VWA8: variants seen among roughly 807,000 people sequenced by gnomAD.
The protein encoded by VWA8 is von Willebrand factor A domain-containing protein 8.
A neutral mutation model predicts 241.5 loss-of-function variants in VWA8; 221 were observed. That is an observed-to-expected ratio of 0.91 (90% CI 0.82 to 1.02). The LOEUF (loss-of-function observed/expected upper bound fraction) is 1.02. Ranked by LOEUF, VWA8 falls within the 50% of genes least tolerant of loss-of-function variation. The pLI is 0.00. For synonymous variants in VWA8, 852 were observed against 827.1 expected (o/e 1.03, Z -0.52); for missense variants, 2,322 against 2,328.7 (o/e 1.00, Z 0.06).
At chr13:41,837,427 G>T (rs1345951776) in intron 12 of VWA8, among the ~76,000 whole-genome samples, 2 of 152,060 alleles carry the variant, frequency 1.3e-5, no homozygotes, top group Non-Finnish European at 2.9e-5. Context: ...GGACACCAAA[G>T]CAAAACTAAA....
intron 2 of VWA8, among the ~76,000 whole-genome samples, chr13:41,945,342 T>A (rs1877801823): frequency 6.7e-6 from 1 of 148,546 alleles, no homozygotes; most frequent in African/African-American, 2.5e-5. Flanking sequence ...ATTATACTAT[T>A]TAAAATGTCT....
intron 2 of VWA8, among the ~76,000 whole-genome samples, chr13:41,932,845 C>T (rs1877186146): frequency 6.6e-6 from 1 of 151,856 alleles, no homozygotes; most frequent in African/African-American, 2.4e-5. Flanking sequence ...CATCCTAAAC[C>T]TTTACCTAAC....
Position 41,568,082 on chromosome 13 carries a change from G to T in VWA8, c.*115C>A. ...AGTGTAGGAAGACCCAGGAATGCCGGAATCATCCAGTCACTGCATGGGTTC... is the reference window on the plus strand; with the variant it reads ...AGTGTAGGAAGACCCAGGAATGCCGTAATCATCCAGTCACTGCATGGGTTC... On this transcript the variant is annotated 3_prime_UTR_variant, in exon 45 of 45. Coordinates refer to ENST00000379310, the MANE Select transcript of VWA8 (RefSeq NM_015058.2). The T allele has an allele frequency of 1.2e-6, 1 of 847,496 alleles. No homozygotes were observed. Among genetic ancestry groups the T allele is most frequent in the African/African-American group, 1.7e-5 (1 of 59,134 alleles). 52.5% of individuals were successfully genotyped at this position (847,496 alleles called of 1,614,324 possible). A position where few individuals can be genotyped will look rare whatever the true frequency, so the allele number is the denominator to read the frequency against.
chr13:41,926,611 T>G, intron 2 of VWA8: 1 of 546,668 alleles, frequency 1.8e-6, no homozygotes, highest in Non-Finnish European at 3.7e-6. Context: ...ATATGGCCTA[T>G]GCAGACTACC....
intron 26 of VWA8, among the ~76,000 whole-genome samples, chr13:41,704,748 T>C (rs2045272186): frequency 6.6e-6 from 1 of 152,192 alleles, no homozygotes; most frequent in Non-Finnish European, 1.5e-5. Context: ...GGATTACAAG[T>C]GTAAGCCAAG....
intron 37 of VWA8, among the ~76,000 whole-genome samples, chr13:41,629,987 T>A (rs76363074): frequency 0.03 from 4,585 of 152,340 alleles, 102 homozygotes; most frequent in Non-Finnish European, 0.044. Flanking sequence ...GTAGCTGATA[T>A]TCATTCATAC....
chr13:41,784,729 T>TATATATATATATACAC (rs772522331), intron 18 of VWA8, among the ~76,000 whole-genome samples: 4 of 60,080 alleles, frequency 6.7e-5, no homozygotes, highest in East Asian at 3.7e-4. Context: ...TATATATATA[T>TATATATATATATACAC]ACACACACAT....
intron 9 of VWA8, among the ~76,000 whole-genome samples, chr13:41,870,376 T>C (rs1873534355): frequency 6.6e-6 from 1 of 152,148 alleles, no homozygotes. Context: ...CAAAGGCTAA[T>C]GCCTATAATC....
chr13:41,828,293 C>T lies in VWA8; in HGVS notation c.1700+2236G>A, dbSNP rs116207374. On this transcript the variant is annotated intron_variant, in intron 14 of 44. Transcript: ENST00000379310. ...AATAAATACACTTAATTATCTTTTA[C>T]GGGATTTAAATGTTTTAAATAGGGC... 4.7e-3 allele frequency among the ~76,000 whole-genome samples: 719 copies of T among 152,142 alleles called. 5 individuals carry two copies. The highest frequency in any genetic ancestry group is 0.016 in the African/African-American group (664 of 41,504).
At chr13:41,835,160 G>A (rs1335508238) in intron 12 of VWA8, among the ~76,000 whole-genome samples, 1 of 152,126 alleles carries the variant, frequency 6.6e-6, no homozygotes, top group Non-Finnish European at 1.5e-5. Context: ...GTGATGGGAT[G>A]ATCTATGCAG....
chr13:41,589,852 C>T (rs9566801), intron 41 of VWA8, among the ~76,000 whole-genome samples: 6,157 of 152,060 alleles, frequency 0.04, 234 homozygotes, highest in African/African-American at 0.088. Context: ...CCATTTACTA[C>T]CCCCGTAAAA....
chr13:41,702,018 TA>T (rs1566420819), intron 27 of VWA8, among the ~76,000 whole-genome samples: 1 of 152,210 alleles, frequency 6.6e-6, no homozygotes, highest in Non-Finnish European at 1.5e-5. Context: ...TGAAATTTTT[TA>T]AAAAACCAAA....
chr13:41,855,921 T>C (rs1446974491), intron 12 of VWA8, among the ~76,000 whole-genome samples: 1 of 152,180 alleles, frequency 6.6e-6, no homozygotes, highest in African/African-American at 2.4e-5. Flanking sequence ...GTTGAGAAGT[T>C]TTAACAAAGA....
chr13:41,576,971 T>TAAAC (rs2044354636), intron 42 of VWA8, among the ~76,000 whole-genome samples: 1 of 152,214 alleles, frequency 6.6e-6, no homozygotes, highest in Non-Finnish European at 1.5e-5. Flanking sequence ...CGCTCCATCA[T>TAAAC]AAACAACAGT....
At chr13:41,949,725 A>C (rs1878036527) in intron 2 of VWA8, among the ~76,000 whole-genome samples, 1 of 152,168 alleles carries the variant, frequency 6.6e-6, no homozygotes, top group Non-Finnish European at 1.5e-5. Flanking sequence ...TGAAATATTG[A>C]TGGGTGAAGT....
At chr13:41,884,804 G>A (rs1429641995) in intron 8 of VWA8, among the ~76,000 whole-genome samples, 1 of 152,070 alleles carries the variant, frequency 6.6e-6, no homozygotes, top group Non-Finnish European at 1.5e-5. Flanking sequence ...TATAAGATTT[G>A]ATAAACAGGA....
intron 42 of VWA8, 119 bp from the exon 43 acceptor site, chr13:41,575,957 A>G (rs1391183375): frequency 7.7e-6 from 5 of 647,642 alleles, no homozygotes; most frequent in Non-Finnish European, 1.3e-5. Context: ...TATGGCCATA[A>G]AGAAATGCAG....
chr13:41,860,383 G>C (rs1176829134), intron 12 of VWA8, among the ~76,000 whole-genome samples: 1 of 152,146 alleles, frequency 6.6e-6, no homozygotes, highest in African/African-American at 2.4e-5. Flanking sequence ...GTTTTTACGG[G>C]AAACTTATGT....
chr13:41,573,426 C>G (rs2044324206), intron 43 of VWA8, among the ~76,000 whole-genome samples: 1 of 117,872 alleles, frequency 8.5e-6, no homozygotes, highest in Non-Finnish European at 1.7e-5. Context: ...TCAAAACAAA[C>G]AAAGAATAAG....
Sources: allele counts gnomAD v4.1 joint callset (sites outside exome capture counted in the v4.1 genomes callset), GRCh38; gene constraint gnomAD v4.1.1; transcripts MANE v1.5; gene names NCBI Gene and HGNC (gene_info 2026-07-23, HGNC 2026-07-21).